CRPPA: variants seen among roughly 807,000 people sequenced by gnomAD.
CRPPA encodes the protein D-ribitol-5-phosphate cytidylyltransferase.
A neutral mutation model predicts 52.0 loss-of-function variants in CRPPA; 43 were observed. That is an observed-to-expected ratio of 0.83 (90% CI 0.65 to 1.07). CRPPA has a LOEUF of 1.07. CRPPA is among the 50% of genes least tolerant of loss of function. The pLI, the probability that CRPPA is intolerant of heterozygous loss-of-function variation, is 0.00. For synonymous variants in CRPPA, 250 were observed against 203.5 expected (o/e 1.23, Z -1.94); for missense variants, 629 against 551.7 (o/e 1.14, Z -1.40).
intron 8 of CRPPA, among the ~76,000 whole-genome samples, chr7:16,256,604 TC>T (rs1189869601): frequency 5.9e-5 from 9 of 152,166 alleles, no homozygotes; most frequent in East Asian, 5.8e-4. Context: ...TGCATTCATG[TC>T]CTTTGCAGGG....
chr7:16,246,771 A>C lies in CRPPA; in HGVS notation c.1119+11619T>G, dbSNP rs113042514. Among the ~76,000 whole-genome samples the C allele has an allele frequency of 5.8e-4, 88 of 152,374 alleles. 1 individual carries two copies. The highest frequency in any genetic ancestry group is 2.0e-3 in the African/African-American group (84 of 41,596). On this transcript the variant is annotated intron_variant, in intron 8 of 9. Coordinates refer to ENST00000407010, the MANE Select transcript of CRPPA (RefSeq NM_001101426.4). ...CAAAAGTGGGCTTAAAATATTCAGT[A>C]AACCATGCTGTAAGCAGATGTGCTG...
chr7:16,277,765 C>A (rs1157429725), intron 6 of CRPPA, among the ~76,000 whole-genome samples: 1 of 152,130 alleles, frequency 6.6e-6, no homozygotes, highest in African/African-American at 2.4e-5. Context: ...ATTTCCCCCT[C>A]CCTCTTCATA....
chr7:16,249,323 C>T (rs532524616), intron 8 of CRPPA, among the ~76,000 whole-genome samples: 35 of 152,282 alleles, frequency 2.3e-4, no homozygotes, highest in African/African-American at 4.6e-4. Flanking sequence ...TAAACGTCCC[C>T]GCCTGATGGC....
chr7:16,278,135 T>A lies in CRPPA; in HGVS notation c.927A>T (p.Glu309Asp). The change falls in exon 6 of 10, where the codon GAA (glutamate) becomes GAT (aspartate). Residue 309 changes from glutamate (E) to aspartate (D), a missense_variant. Coordinates refer to ENST00000407010, the MANE Select transcript of CRPPA (RefSeq NM_001101426.4). ...GHLLEEVLKS[E>D]LNHVKVTSEA... ...TCAGTCTTTGAATACTTACATTTAA[T>A]TCACTTTTCAGCACTTCTTCAAGAA... The A allele has an allele frequency of 6.6e-7, 1 of 1,514,128 alleles. No homozygotes were observed. 93.8% of individuals were successfully genotyped at this position (1,514,128 alleles called of 1,614,324 possible).
At chr7:16,250,930 C>A (rs1195646469) in intron 8 of CRPPA, among the ~76,000 whole-genome samples, 1 of 151,944 alleles carries the variant, frequency 6.6e-6, no homozygotes, top group African/African-American at 2.4e-5. Context: ...CACAGACTGG[C>A]AAATTGGATA....
chr7:16,308,528 A>T lies in CRPPA; in HGVS notation c.784T>A (p.Trp262Arg). 1 of 1,578,578 alleles carries T rather than the reference A, an allele frequency of 6.3e-7. No homozygotes were observed. The highest frequency in any genetic ancestry group is 8.7e-7 in the Non-Finnish European group (1 of 1,150,332). The change falls in exon 4 of 10, where the codon TGG (tryptophan) becomes AGG (arginine). Residue 262 changes from tryptophan (W) to arginine (R), a missense_variant. Trp to Arg is a moderately radical substitution (Grantham distance 101). Transcript: ENST00000407010. Reference sequence around the variant, plus strand: ...CAAGGTATCATCCCTCTTACCTTCCAGAGGTCAGGTGATCCTTCTACAAGT... The same window carrying T: ...CAAGGTATCATCCCTCTTACCTTCCTGAGGTCAGGTGATCCTTCTACAAGT... ...AKLVEGSPDLWKVTYKRDLYA... is the reference protein window; with the variant it reads ...AKLVEGSPDLRKVTYKRDLYA...
intron 9 of CRPPA, among the ~76,000 whole-genome samples, chr7:16,121,674 T>C (rs1167226825): frequency 6.6e-6 from 1 of 152,114 alleles, no homozygotes; most frequent in Non-Finnish European, 1.5e-5. Flanking sequence ...TTTTCTCTTA[T>C]AGTTTATATT....
At chr7:16,200,108 T>A (rs1341270247) in intron 9 of CRPPA, among the ~76,000 whole-genome samples, 1 of 152,156 alleles carries the variant, frequency 6.6e-6, no homozygotes, top group East Asian at 1.9e-4. Context: ...TCCATCCACC[T>A]TGGCCTCCCA....
chr7:16,381,389 C>T lies in CRPPA; in HGVS notation c.535-5148G>A, dbSNP rs555345748. Among the ~76,000 whole-genome samples, 224 of 151,964 alleles carry T rather than the reference C, an allele frequency of 1.5e-3. 1 individual carries two copies. The highest frequency in any genetic ancestry group is 4.9e-3 in the African/African-American group (202 of 41,450). On this transcript the variant is annotated intron_variant, in intron 2 of 9. Coordinates refer to ENST00000407010, the MANE Select transcript of CRPPA (RefSeq NM_001101426.4). ...TATAATTTCTGTTCTTTTACATTTG[C>T]TGAGGAGAGCTTTACTTCCAACTAT...
chr7:16,401,874 T>C (rs1035322241), intron 2 of CRPPA, among the ~76,000 whole-genome samples: 4 of 152,040 alleles, frequency 2.6e-5, no homozygotes, highest in Non-Finnish European at 2.9e-5. Flanking sequence ...AAAAAATATA[T>C]ATATAGGAGA....
At chr7:16,115,165 C>T (rs1406122986) in intron 9 of CRPPA, among the ~76,000 whole-genome samples, 2 of 151,940 alleles carry the variant, frequency 1.3e-5, no homozygotes. Flanking sequence ...AAGAGGGTGG[C>T]CCTAACTAAA....
intron 8 of CRPPA, among the ~76,000 whole-genome samples, chr7:16,246,377 C>T (rs910450334): frequency 6.6e-6 from 1 of 152,150 alleles, no homozygotes; most frequent in African/African-American, 2.4e-5. Flanking sequence ...GCAGTTACTT[C>T]CCCTGTTGAA....
chr7:16,203,337 G>A (rs1781898947), intron 9 of CRPPA, among the ~76,000 whole-genome samples: 1 of 152,110 alleles, frequency 6.6e-6, no homozygotes, highest in Non-Finnish European at 1.5e-5. Context: ...AGCTGACCTG[G>A]ATCCAGGTGT....
intron 9 of CRPPA, among the ~76,000 whole-genome samples, chr7:16,099,593 G>A (rs1222921081): frequency 6.6e-5 from 10 of 152,116 alleles, no homozygotes; most frequent in African/African-American, 9.7e-5. Context: ...ATACTTTACG[G>A]AGCAGGAACA....
At chr7:16,182,873 G>A (rs941349864) in intron 9 of CRPPA, among the ~76,000 whole-genome samples, 7 of 152,056 alleles carry the variant, frequency 4.6e-5, no homozygotes, top group African/African-American at 1.2e-4. Context: ...CGCCAATGAC[G>A]CTGAGTTGAA....
chr7:16,089,308 G>C lies in CRPPA; in HGVS notation c.*2387C>G, dbSNP rs1430228652. On this transcript the variant is annotated 3_prime_UTR_variant, in exon 10 of 10. Transcript: ENST00000407010. ...TATGCGTACGTATATACATATATGT[G>C]TGTATGCGTACGTATATAAATATAT... 1 of 393,318 alleles carries C rather than the reference G, an allele frequency of 2.5e-6. No individual in the cohort carries two copies. The highest frequency in any genetic ancestry group is 5.3e-6 in the Non-Finnish European group (1 of 187,436). The allele number at this position is 393,318 out of a possible 1,614,324, so 24.4% of individuals were successfully genotyped here. A position where few individuals can be genotyped will look rare whatever the true frequency, so the allele number is the denominator to read the frequency against.
chr7:16,336,149 T>C (rs1785673538), intron 3 of CRPPA, among the ~76,000 whole-genome samples: 1 of 152,144 alleles, frequency 6.6e-6, no homozygotes, highest in African/African-American at 2.4e-5. Flanking sequence ...TATGAATTAA[T>C]AACAAAAACC....
At chr7:16,338,007 T>C (rs1785730718) in intron 3 of CRPPA, among the ~76,000 whole-genome samples, 1 of 151,988 alleles carries the variant, frequency 6.6e-6, no homozygotes, top group Non-Finnish European at 1.5e-5. Context: ...AAAGCTAGGA[T>C]TACCCTGATA....
chr7:16,162,748 C>A (rs61933802), intron 9 of CRPPA, among the ~76,000 whole-genome samples: 5 of 151,998 alleles, frequency 3.3e-5, no homozygotes, highest in African/African-American at 1.2e-4. Flanking sequence ...TTTTCTGTCT[C>A]ATTGATCTGT....
Sources: gnomAD v4.1 joint callset for allele counts (sites outside exome capture counted in the v4.1 genomes callset) on GRCh38, gnomAD v4.1.1 for gene constraint, MANE v1.5 for transcripts, NCBI Gene and HGNC (gene_info 2026-07-23, HGNC 2026-07-21) for gene names.